PLA2R1: variants seen among roughly 807,000 people sequenced by gnomAD.
PLA2R1 encodes phospholipase A2 receptor 1, also known as secretory phospholipase A2 receptor.
Under a neutral mutation model 195.9 loss-of-function variants are expected in PLA2R1, and 158 were observed. The ratio of observed to expected loss-of-function variants is 0.81; its 90% CI spans 0.71 to 0.92. The LOEUF is 0.92. Among genes scored for constraint, PLA2R1 ranks in the 40% least tolerant of loss-of-function variants. The pLI is 0.00. For synonymous variants in PLA2R1, 586 were observed against 598.2 expected (o/e 0.98, Z 0.30); for missense variants, 1,626 against 1,764.6 (o/e 0.92, Z 1.41).
intron 3 of PLA2R1, among the ~76,000 whole-genome samples, chr2:160,034,043 C>G (rs1420235302): frequency 6.6e-6 from 1 of 152,168 alleles, no homozygotes; most frequent in Non-Finnish European, 1.5e-5. Flanking sequence ...GGACACAATG[C>G]ATACATAGCG....
rs565634579 is a variant in PLA2R1, at chr2:160,032,137, G to A, written c.841+822C>T. On this transcript the variant is annotated intron_variant, in intron 4 of 29. Transcript: ENST00000283243. Reference sequence around the variant, plus strand: ...TGTACACATGCATTTATATGTTTTTGCAGAGAAACACAGTTGTCTCTGGAT... The same window carrying A: ...TGTACACATGCATTTATATGTTTTTACAGAGAAACACAGTTGTCTCTGGAT... Among the ~76,000 whole-genome samples the A allele has an allele frequency of 2.0e-5, 3 of 152,320 alleles. No individual in the cohort carries two copies. The South Asian group carries it at 6.2e-4, about 32-fold the overall frequency.
chr2:160,023,183 C>T (rs979206721), intron 6 of PLA2R1, among the ~76,000 whole-genome samples: 1 of 152,190 alleles, frequency 6.6e-6, no homozygotes, highest in African/African-American at 2.4e-5. Context: ...ACAACAGCAA[C>T]TCCATCTTGT....
Position 159,941,752 on chromosome 2 carries a change from G to T in PLA2R1, c.*26C>A. 1 of 1,259,644 alleles carries T rather than the reference G, an allele frequency of 7.9e-7. No homozygotes were observed. The highest frequency in any genetic ancestry group is 1.2e-6 in the Non-Finnish European group (1 of 861,018). The allele number at this position is 1,259,644 out of a possible 1,614,324, so 78.0% of individuals were successfully genotyped here. On this transcript the variant is annotated 3_prime_UTR_variant, in exon 30 of 30. Transcript: ENST00000283243. Reference sequence around the variant, plus strand: ...TTTAGTCTTCTTTACTTACCCTGGTGTCTGTGGCATTCTCTGACCTCATTA... The same window carrying T: ...TTTAGTCTTCTTTACTTACCCTGGTTTCTGTGGCATTCTCTGACCTCATTA...
chr2:159,941,504 T>C lies in PLA2R1; in HGVS notation c.*274A>G. ...TTCGCATTGATTTCAGAGTTTTCAA[T>C]AGGGAGTTTCTTTTAATAGTTCTTG... On this transcript the variant is annotated 3_prime_UTR_variant, in exon 30 of 30. Transcript: ENST00000283243. 4.0e-6 allele frequency: 1 copy of C among 252,942 alleles called. No homozygotes were observed. Among genetic ancestry groups the C allele is most frequent in the Non-Finnish European group, 7.5e-6 (1 of 132,780 alleles). 15.7% of individuals were successfully genotyped at this position (252,942 alleles called of 1,614,324 possible). A position where few individuals can be genotyped will look rare whatever the true frequency, so the allele number is the denominator to read the frequency against.
intron 6 of PLA2R1, among the ~76,000 whole-genome samples, chr2:160,023,085 G>A (rs1303008972): frequency 3.3e-5 from 5 of 152,044 alleles, no homozygotes; most frequent in Non-Finnish European, 5.9e-5. Flanking sequence ...TTCATTTTCC[G>A]GATGAGCTAG....
In PLA2R1 at chr2:159,936,613, A is replaced by C. The variant is rs1339750493; in HGVS notation, c.*5165T>G. 1 of 152,206 alleles carries C rather than the reference A, an allele frequency of 6.6e-6. No homozygotes were observed. The highest frequency in any genetic ancestry group is 1.9e-4 in the East Asian group (1 of 5,194). 9.4% of individuals were successfully genotyped at this position (152,206 alleles called of 1,614,324 possible). A position where few individuals can be genotyped will look rare whatever the true frequency, so the allele number is the denominator to read the frequency against. ...CCTCTCTTTCCTGAGCACACAAAGC[A>C]GAAGACTTCCTGGATTTCCTTTCAG... On this transcript the variant is annotated 3_prime_UTR_variant, in exon 30 of 30. Coordinates refer to ENST00000283243, the MANE Select transcript of PLA2R1 (RefSeq NM_007366.5).
chr2:160,016,478 G>T (rs1347245317), intron 9 of PLA2R1, 136 bp downstream of exon 9: 4 of 619,586 alleles, frequency 6.5e-6, no homozygotes, highest in African/African-American at 2.0e-5. Context: ...AGAAGGGGGG[G>T]GTGCGAGGAG....
At chr2:160,014,234 CT>C (rs5835787) in intron 9 of PLA2R1, among the ~76,000 whole-genome samples, 71,399 of 129,242 alleles carry the variant, frequency 0.55, 18,754 homozygotes, top group Non-Finnish European at 0.65. Context: ...CTTTTTCTTT[CT>C]TTTTTTTTTT....
intron 7 of PLA2R1, among the ~76,000 whole-genome samples, chr2:160,022,034 A>C (rs965267360): frequency 2.6e-5 from 4 of 152,234 alleles, no homozygotes; most frequent in Non-Finnish European, 5.9e-5. Context: ...AAAATGTAAC[A>C]ATTGAAAAGG....
rs1574620213 is a variant in PLA2R1, at chr2:159,932,426, A to G, written c.*9352T>C. ...GTCCTGAAGTTTGTCCTCAGCCTCC[A>G]CAGAACCACATTTTGGGCTAAGAAC... On this transcript the variant is annotated 3_prime_UTR_variant, in exon 30 of 30. Coordinates refer to ENST00000283243, the MANE Select transcript of PLA2R1 (RefSeq NM_007366.5). 1 of 152,290 alleles carries G rather than the reference A, an allele frequency of 6.6e-6. No homozygotes were observed. Among genetic ancestry groups the G allele is most frequent in the Non-Finnish European group, 1.5e-5 (1 of 68,088 alleles). The allele number at this position is 152,290 out of a possible 1,614,324, so 9.4% of individuals were successfully genotyped here.
rs372566773 is a variant in PLA2R1 at position 160,016,573 on chromosome 2, T to C, written c.1551+41A>G. 93 of 915,444 alleles carry C rather than the reference T, an allele frequency of 1.0e-4. 1 individual carries two copies. Among genetic ancestry groups the C allele is most frequent in the Middle Eastern group, 6.4e-4 (3 of 4,674 alleles). 56.7% of individuals were successfully genotyped at this position (915,444 alleles called of 1,614,324 possible). On this transcript the variant is annotated intron_variant, in intron 9 of 29. Transcript: ENST00000283243. ...GATGGTGGAATTGATATTCTAGCTA[T>C]GAAGTCCCTGTACCTAAATTGCAAT...
chr2:159,942,201 A>C, intron 28 of PLA2R1, 42 bp from the exon 29 acceptor site: 3 of 1,484,736 alleles, frequency 2.0e-6, no homozygotes, highest in Non-Finnish European at 1.9e-6. Flanking sequence ...TTTTCTTTTA[A>C]TTCAGCAAAA....
chr2:159,944,981 A>G lies in PLA2R1; in HGVS notation c.4069T>C (p.Leu1357=), dbSNP rs137971789. 5.4e-4 allele frequency: 877 copies of G among 1,613,756 alleles called. No individual in the cohort carries two copies. The highest frequency in any genetic ancestry group is 7.0e-4 in the Non-Finnish European group (823 of 1,179,756). ...DYFKPHHCVA[L]RIPEGLWQLS... The stretch of plus-strand genomic sequence containing the variant: ...TGCCATAATCCTTCAGGGATCCTCA[A>G]GGCAACACAATGATGGGGCTTGAAG... The change falls in exon 28 of 30, where the codon TTG becomes CTG. Residue 1357 remains leucine (L), a synonymous_variant. Coordinates refer to ENST00000283243, the MANE Select transcript of PLA2R1 (RefSeq NM_007366.5).
chr2:160,030,923 A>T (rs1234134168), intron 4 of PLA2R1, among the ~76,000 whole-genome samples: 1 of 152,232 alleles, frequency 6.6e-6, no homozygotes, highest in Non-Finnish European at 1.5e-5. Flanking sequence ...AAATTTGATG[A>T]ATAAGTCCAG....
intron 9 of PLA2R1, 120 bp downstream of exon 9, chr2:160,016,494 G>C (rs184542449): frequency 0.034 from 22,630 of 659,140 alleles, 559 homozygotes; most frequent in South Asian, 0.048. Flanking sequence ...AGGAGAGAGA[G>C]AGAGATGAAA....
chr2:159,987,318 TG>T lies in PLA2R1; in HGVS notation c.1874del (p.Pro625HisfsTer7). The stretch of plus-strand genomic sequence containing the variant: ...AGTGCTTCACTTCCCAGCGACCAAG[TG>T]GATGCCTTCCTCGCATGGCAACACA... ...GGCVAMRGRH[P>X]LGRWEVKHCR... On this transcript the variant is annotated frameshift_variant, in exon 12 of 30. Coordinates refer to ENST00000283243, the MANE Select transcript of PLA2R1 (RefSeq NM_007366.5). LOFTEE classifies it high-confidence loss of function. The T allele has an allele frequency of 6.2e-7, 1 of 1,612,250 alleles. No homozygotes were observed.
intron 12 of PLA2R1, among the ~76,000 whole-genome samples, chr2:159,985,593 A>G (rs1478908495): frequency 6.6e-6 from 1 of 152,216 alleles, no homozygotes; most frequent in Non-Finnish European, 1.5e-5. Context: ...ATATACACAT[A>G]CAAATCAACC....
intron 23 of PLA2R1, among the ~76,000 whole-genome samples, chr2:159,954,853 T>C (rs1489098554): frequency 2.6e-5 from 4 of 152,262 alleles, no homozygotes; most frequent in Non-Finnish European, 4.4e-5. Flanking sequence ...AGTTGGTTTA[T>C]TTCCTTGATT....
chr2:160,005,621 G>C (rs1275649013), intron 11 of PLA2R1, 31 bp downstream of exon 11: 1 of 1,589,522 alleles, frequency 6.3e-7, no homozygotes, highest in East Asian at 2.2e-5. Context: ...AGAAAACAGG[G>C]AGGGTTGGTG....
Sources: allele counts gnomAD v4.1 joint callset (sites outside exome capture counted in the v4.1 genomes callset), GRCh38; gene constraint gnomAD v4.1.1; transcripts MANE v1.5; gene names NCBI Gene and HGNC (gene_info 2026-07-23, HGNC 2026-07-21).